The following RIMS1 variants were observed in gnomAD, a reference collection of about 807,000 sequenced individuals.
The protein encoded by RIMS1 is regulating synaptic membrane exocytosis 1.
A neutral mutation model predicts 214.1 loss-of-function variants in RIMS1; 83 were observed. The ratio of observed to expected loss-of-function variants is 0.39; its 90% confidence interval spans 0.32 to 0.47. RIMS1 has a LOEUF of 0.47. Ranked by LOEUF, RIMS1 falls within the 20% of genes least tolerant of loss-of-function variation. RIMS1 has a pLI of 0.99. For missense variants in RIMS1, 2,050 were observed against 2,161.8 expected (o/e 0.95, Z 1.03); for synonymous variants, 793 against 786.8 (o/e 1.01, Z -0.13).
intron 23 of RIMS1, among the ~76,000 whole-genome samples, chr6:72,277,664 G>A (rs2087329597): frequency 6.6e-6 from 1 of 151,980 alleles, no homozygotes; most frequent in Non-Finnish European, 1.5e-5. Context: ...TGGAATCCCA[G>A]GGGATGTTTT....
intron 2 of RIMS1, among the ~76,000 whole-genome samples, chr6:72,050,087 C>T (rs940741623): frequency 6.6e-6 from 1 of 152,146 alleles, no homozygotes; most frequent in Non-Finnish European, 1.5e-5. Context: ...CTGACCCCCA[C>T]CCCTTCACAC....
At chr6:72,152,722 ATATATATATGGAATATATGTATATATATG>A (rs2043796498) in intron 4 of RIMS1, among the ~76,000 whole-genome samples, 2 of 142,280 alleles carry the variant, frequency 1.4e-5, no homozygotes, top group African/African-American at 2.6e-5. Context: ...ATATGTGAAT[ATATATATATGGAATATATGTATATATATG>A]TATATATATG....
At chr6:71,909,580 ATTAC>A (rs1016717896) in intron 1 of RIMS1, among the ~76,000 whole-genome samples, 2 of 152,158 alleles carry the variant, frequency 1.3e-5, no homozygotes, top group Non-Finnish European at 2.9e-5. Context: ...TAATTAATTA[ATTAC>A]TTAATTAAAA....
chr6:72,139,868 A>C (rs1430363620), intron 4 of RIMS1, among the ~76,000 whole-genome samples: 1 of 152,214 alleles, frequency 6.6e-6, no homozygotes, highest in African/African-American at 2.4e-5. Flanking sequence ...ATTCTTCCAA[A>C]TCACCTAAAC....
chr6:72,233,638 G>A, intron 6 of RIMS1, 135 bp from the exon 7 acceptor site: 1 of 686,236 alleles, frequency 1.5e-6, no homozygotes, highest in East Asian at 2.7e-5. Flanking sequence ...TGCAACACAG[G>A]TGTGCATCAT....
chr6:71,935,058 T>A (rs188453510), intron 1 of RIMS1, among the ~76,000 whole-genome samples: 1 of 151,960 alleles, frequency 6.6e-6, no homozygotes, highest in Admixed American at 6.6e-5. Context: ...GCAGTTTGAG[T>A]GGGGAAAAAA....
intron 6 of RIMS1, among the ~76,000 whole-genome samples, chr6:72,188,323 CAAT>C (rs1235229362): frequency 7.9e-5 from 12 of 152,144 alleles, no homozygotes; most frequent in Admixed American, 6.6e-4. Flanking sequence ...CAAATAAAGA[CAAT>C]AATAAGGTAA....
intron 2 of RIMS1, among the ~76,000 whole-genome samples, chr6:72,044,866 G>A (rs1461985621): frequency 6.6e-6 from 1 of 151,824 alleles, no homozygotes; most frequent in Non-Finnish European, 1.5e-5. Context: ...TTAGCCAAGA[G>A]GAAGAAAAAC....
chr6:71,939,184 T>C (rs1308275104), intron 1 of RIMS1, among the ~76,000 whole-genome samples: 1 of 152,232 alleles, frequency 6.6e-6, no homozygotes, highest in African/African-American at 2.4e-5. Context: ...TTCCAATATC[T>C]TGTTCCTTAG....
intron 29 of RIMS1, chr6:72,366,683 G>T: frequency 1.0e-6 from 1 of 984,940 alleles, no homozygotes; most frequent in Non-Finnish European, 1.2e-6. Context: ...AGAGAGTGTC[G>T]GAGGGTGAGG....
chr6:72,011,575 A>G (rs970638397), intron 2 of RIMS1, among the ~76,000 whole-genome samples: 3 of 152,174 alleles, frequency 2.0e-5, no homozygotes, highest in African/African-American at 4.8e-5. Flanking sequence ...TTTGCAATCT[A>G]CTCATCTGAC....
At chr6:71,959,713 A>G (rs2151232640) in intron 1 of RIMS1, among the ~76,000 whole-genome samples, 1 of 152,146 alleles carries the variant, frequency 6.6e-6, no homozygotes. Context: ...AATGCTTACA[A>G]CTCGAAATAT....
intron 2 of RIMS1, among the ~76,000 whole-genome samples, chr6:71,992,138 A>C (rs1442980344): frequency 6.6e-6 from 1 of 152,194 alleles, no homozygotes; most frequent in East Asian, 1.9e-4. Context: ...AAGAGGTTGA[A>C]AGGATCATCT....
intron 23 of RIMS1, among the ~76,000 whole-genome samples, chr6:72,280,784 A>G (rs2154212025): frequency 6.6e-6 from 1 of 152,200 alleles, no homozygotes; most frequent in South Asian, 2.1e-4. Flanking sequence ...TTTATAGATG[A>G]GTAAGAAAAC....
intron 2 of RIMS1, among the ~76,000 whole-genome samples, chr6:72,063,609 G>A (rs746663086): frequency 1.6e-4 from 25 of 152,158 alleles, no homozygotes; most frequent in Non-Finnish European, 2.5e-4. Flanking sequence ...GAAGCAATCC[G>A]TGTGGAATAG....
At chr6:71,978,075 G>A (rs1797598303) in intron 2 of RIMS1, among the ~76,000 whole-genome samples, 1 of 152,158 alleles carries the variant, frequency 6.6e-6, no homozygotes, top group Admixed American at 6.6e-5. Flanking sequence ...AAGTCATGAA[G>A]TTTTGAAAGC....
At chr6:72,068,364 CA>C (rs66548825) in intron 2 of RIMS1, among the ~76,000 whole-genome samples, 67,159 of 151,908 alleles carry the variant, frequency 0.44, 15,743 homozygotes, top group Non-Finnish European at 0.52. Flanking sequence ...TTTTTGTCCA[CA>C]AAAAAATCAT....
chr6:71,988,126 T>C (rs1800570652), intron 2 of RIMS1, among the ~76,000 whole-genome samples: 1 of 152,132 alleles, frequency 6.6e-6, no homozygotes, highest in South Asian at 2.1e-4. Flanking sequence ...ATTGAAAATG[T>C]CACAATAATA....
At chr6:72,073,302 C>A (rs1264958012) in intron 2 of RIMS1, among the ~76,000 whole-genome samples, 1 of 152,110 alleles carries the variant, frequency 6.6e-6, no homozygotes, top group African/African-American at 2.4e-5. Flanking sequence ...GCTCTTCATA[C>A]AAATAAAATG....
Sources: gnomAD v4.1 joint callset for allele counts (sites outside exome capture counted in the v4.1 genomes callset) on GRCh38, gnomAD v4.1.1 for gene constraint, MANE v1.5 for transcripts, NCBI Gene and HGNC (gene_info 2026-07-23, HGNC 2026-07-21) for gene names.